Variants in AKIRIN2 observed in about 807,000 individuals in gnomAD.
AKIRIN2 encodes akirin-2.
In AKIRIN2, 6 loss-of-function variants were observed where a neutral mutation model predicts 29.3. That is an observed-to-expected ratio of 0.20 (90% CI 0.11 to 0.40). The LOEUF (loss-of-function observed/expected upper bound fraction) is 0.40. Ranked by LOEUF, AKIRIN2 falls within the 10% of genes least tolerant of loss-of-function variation. The pLI is 1.00. For missense variants in AKIRIN2, 210 were observed against 276.1 expected (o/e 0.76, Z 1.70); for synonymous variants, 128 against 117.5 (o/e 1.09, Z -0.58).
At chr6:87,676,596 A>AACACACGCACGCACGCACACACAC (rs1485678233) in intron 3 of AKIRIN2, among the ~76,000 whole-genome samples, 2 of 142,046 alleles carry the variant, frequency 1.4e-5, no homozygotes, top group African/African-American at 5.4e-5. Flanking sequence ...CTCTACTAAA[A>AACACACGCACGCACGCACACACAC]ACACACACAC....
intron 2 of AKIRIN2, 121 bp downstream of exon 2, chr6:87,681,499 T>C (rs1227114385): frequency 1.2e-5 from 12 of 964,058 alleles, no homozygotes; most frequent in Non-Finnish European, 1.6e-5. Flanking sequence ...ATGCATTACT[T>C]GTATAAATGT....
intron 1 of AKIRIN2, among the ~76,000 whole-genome samples, chr6:87,689,207 A>T (rs748809047): frequency 1.8e-4 from 28 of 152,282 alleles, no homozygotes; most frequent in Non-Finnish European, 2.2e-4. Flanking sequence ...CCCCCAAAAA[A>T]TTAGCATACC....
At chr6:87,675,739 C>G (rs1412527588) in intron 4 of AKIRIN2, 121 bp downstream of exon 4, 1 of 1,445,550 alleles carries the variant, frequency 6.9e-7, no homozygotes, top group East Asian at 2.3e-5. Flanking sequence ...CTGCCTATTT[C>G]CTCCATACAT....
intron 1 of AKIRIN2, among the ~76,000 whole-genome samples, chr6:87,695,012 A>G (rs766987271): frequency 1.3e-5 from 2 of 152,236 alleles, no homozygotes; most frequent in African/African-American, 2.4e-5. Context: ...GAAACTTGCT[A>G]TAACAAATAA....
At chr6:87,681,029 T>C (rs1771111191) in intron 2 of AKIRIN2, among the ~76,000 whole-genome samples, 1 of 151,782 alleles carries the variant, frequency 6.6e-6, no homozygotes, top group Non-Finnish European at 1.5e-5. Flanking sequence ...CAAAGGAGCA[T>C]ACAGTATTGT....
At chr6:87,700,506 A>G (rs1469395098) in intron 1 of AKIRIN2, 2 of 152,216 alleles carry the variant, frequency 1.3e-5, no homozygotes, top group Non-Finnish European at 2.9e-5. Context: ...AGGGGCACAC[A>G]AGGATTTCAA....
chr6:87,701,837 G>A lies in AKIRIN2; in HGVS notation c.-153C>T, dbSNP rs952713244. On this transcript the variant is annotated 5_prime_UTR_variant, in exon 1 of 5. Transcript: ENST00000257787. ...GGTCGCGGAGCGCCGGCTGTGGAAA[G>A]GAGAGCCGCTGCCGCCGCTGCCTCC... 9 of 505,702 alleles carry A rather than the reference G, an allele frequency of 1.8e-5. No individual in the cohort carries two copies. The highest frequency in any genetic ancestry group is 4.2e-5 in the Admixed American group (1 of 23,674). The allele number at this position is 505,702 out of a possible 1,614,324, so 31.3% of individuals were successfully genotyped here.
At chr6:87,683,562 A>T (rs1203449699) in intron 1 of AKIRIN2, among the ~76,000 whole-genome samples, 2 of 152,234 alleles carry the variant, frequency 1.3e-5, no homozygotes, top group Non-Finnish European at 2.9e-5. Context: ...CAATAAAACT[A>T]ATGTAACATC....
chr6:87,697,220 C>T lies in AKIRIN2; in HGVS notation c.235+4230G>A, dbSNP rs118093175. On this transcript the variant is annotated intron_variant, in intron 1 of 4. Transcript: ENST00000257787. The stretch of plus-strand genomic sequence containing the variant: ...CCCAGCTACTCCAGAGGCTGAGGCT[C>T]GAGAATCGCTTGAACCCAGGAGATG... Among the ~76,000 whole-genome samples the T allele has an allele frequency of 4.2e-3, 618 of 148,844 alleles. 22 individuals carry two copies. In the East Asian group the frequency reaches 0.1, roughly 25 times the overall value.
rs1023937294 is a variant in AKIRIN2 at position 87,702,036 on chromosome 6, G to A, written c.-352C>T. On this transcript the variant is annotated 5_prime_UTR_variant, in exon 1 of 5. Coordinates refer to ENST00000257787, the MANE Select transcript of AKIRIN2 (RefSeq NM_018064.4). ...TCGAGCTTTGCGCCGCGCCTGAGGC[G>A]CTTCTGTGCTGAGACTAGATCCTTT... 7.7e-5 allele frequency: 31 copies of A among 403,788 alleles called. No homozygotes were observed. The highest frequency in any genetic ancestry group is 6.8e-4 in the East Asian group (19 of 28,060). 25.0% of individuals were successfully genotyped at this position (403,788 alleles called of 1,614,324 possible).
At chr6:87,683,743 T>A (rs1325893388) in intron 1 of AKIRIN2, among the ~76,000 whole-genome samples, 10 of 152,118 alleles carry the variant, frequency 6.6e-5, no homozygotes, top group Non-Finnish European at 1.2e-4. Context: ...AACCTCCATC[T>A]CCCAGGTTCA....
At chr6:87,679,832 A>C (rs1167594917) in intron 2 of AKIRIN2, among the ~76,000 whole-genome samples, 3 of 152,230 alleles carry the variant, frequency 2.0e-5, no homozygotes, top group Non-Finnish European at 4.4e-5. Flanking sequence ...ATACTGCTAA[A>C]AGTATTTTAT....
chr6:87,699,364 C>G (rs1438459128), intron 1 of AKIRIN2, among the ~76,000 whole-genome samples: 1 of 152,062 alleles, frequency 6.6e-6, no homozygotes, highest in African/African-American at 2.4e-5. Context: ...TCAAAACTAC[C>G]GTTTAAAAAA....
chr6:87,677,002 G>A (rs887359342), intron 3 of AKIRIN2, among the ~76,000 whole-genome samples: 5 of 151,124 alleles, frequency 3.3e-5, no homozygotes, highest in African/African-American at 7.3e-5. Context: ...GCGTGAACCC[G>A]GAAAGTAGAG....
At chr6:87,683,708 C>T (rs551576152) in intron 1 of AKIRIN2, among the ~76,000 whole-genome samples, 3 of 152,220 alleles carry the variant, frequency 2.0e-5, no homozygotes, top group African/African-American at 7.2e-5. Flanking sequence ...GACTGGAGTG[C>T]AGTGGCGTGA....
intron 2 of AKIRIN2, among the ~76,000 whole-genome samples, chr6:87,680,493 G>C (rs1188903689): frequency 6.6e-6 from 1 of 151,392 alleles, no homozygotes; most frequent in Non-Finnish European, 1.5e-5. Context: ...GGATGTTCTC[G>C]ATATCCTGAC....
chr6:87,676,774 CA>C (rs1311406955), intron 3 of AKIRIN2, among the ~76,000 whole-genome samples: 8 of 142,726 alleles, frequency 5.6e-5, no homozygotes, highest in African/African-American at 2.1e-4. Context: ...AGTGAGACTC[CA>C]TCTTAAAAAA....
rs1394298200 is a variant in AKIRIN2, at chr6:87,675,936, A to G, written c.530-5T>C. 5.6e-6 allele frequency: 9 copies of G among 1,608,092 alleles called. No individual in the cohort carries two copies. In the Admixed American group the frequency reaches 1.5e-4, roughly 27 times the overall value. On this transcript the variant is annotated splice_region_variant and splice_polypyrimidine_tract_variant and intron_variant, in intron 3 of 4. Coordinates refer to ENST00000257787, the MANE Select transcript of AKIRIN2 (RefSeq NM_018064.4). ...TCACAAACGCATCATATTGTTCTAT[A>G]AATAAAGGTACTTGTCAATTACATT... is the stretch of plus-strand genomic sequence containing the variant.
At chr6:87,680,095 T>C (rs1771093389) in intron 2 of AKIRIN2, among the ~76,000 whole-genome samples, 1 of 152,224 alleles carries the variant, frequency 6.6e-6, no homozygotes, top group Non-Finnish European at 1.5e-5. Context: ...GCCAGTTAAC[T>C]GATCTTCTAA....
Sources: allele counts gnomAD v4.1 joint callset (sites outside exome capture counted in the v4.1 genomes callset), GRCh38; gene constraint gnomAD v4.1.1; transcripts MANE v1.5; gene names NCBI Gene and HGNC (gene_info 2026-07-23, HGNC 2026-07-21).